FAM78B: variants seen among roughly 807,000 people sequenced by gnomAD.
FAM78B encodes family with sequence similarity 78 member B, also known as protein FAM78B.
A neutral mutation model predicts 20.0 loss-of-function variants in FAM78B; 10 were observed. That is an observed-to-expected ratio of 0.50 (90% CI 0.31 to 0.85). FAM78B has a LOEUF of 0.85. FAM78B is among the 40% of genes least tolerant of loss of function. The pLI is 0.05. For synonymous variants in FAM78B, 135 were observed against 132.8 expected (o/e 1.02, Z -0.12); for missense variants, 283 against 345.0 (o/e 0.82, Z 1.42).
At chr1:166,101,527 A>C (rs113060587) in intron 1 of FAM78B, among the ~76,000 whole-genome samples, 2,556 of 152,346 alleles carry the variant, frequency 0.017, 79 homozygotes, top group African/African-American at 0.058. Context: ...GACCTGATGG[A>C]GCTGAAAACC....
intron 1 of FAM78B, among the ~76,000 whole-genome samples, chr1:166,142,117 T>C (rs1053336575): frequency 6.6e-6 from 1 of 152,166 alleles, no homozygotes. Context: ...TGGGACAGTC[T>C]GCATGGAAGG....
At chr1:166,085,862 T>C (rs1652806211) in intron 1 of FAM78B, among the ~76,000 whole-genome samples, 1 of 152,172 alleles carries the variant, frequency 6.6e-6, no homozygotes, top group East Asian at 1.9e-4. Flanking sequence ...ATGTGTTTAC[T>C]AGGGCAAGAA....
intron 1 of FAM78B, among the ~76,000 whole-genome samples, chr1:166,157,768 TGTCTGCTGGGGCCCAG>T (rs1272618457): frequency 2.0e-5 from 3 of 152,180 alleles, no homozygotes; most frequent in Non-Finnish European, 4.4e-5. Context: ...TCTGGGTGAC[TGTCTGCTGGGGCCCAG>T]GGCTGCCCAT....
intron 1 of FAM78B, among the ~76,000 whole-genome samples, chr1:166,157,033 CGGAGGGGGGGG>C (rs1655928866): frequency 2.2e-3 from 2 of 890 alleles, no homozygotes; most frequent in African/African-American, 2.5e-3. Flanking sequence ...AAGGGGGCGG[CGGAGGGGGGGG>C]GGGGGCTCCA....
intron 1 of FAM78B, among the ~76,000 whole-genome samples, chr1:166,152,331 G>A (rs374069324): frequency 1.4e-3 from 207 of 152,202 alleles, no homozygotes; most frequent in Non-Finnish European, 2.7e-3. Context: ...TTCCACGCTG[G>A]CGGGATGCGG....
At chr1:166,060,806 AT>A in intron 2 of FAM78B, 2 of 349,548 alleles carry the variant, frequency 5.7e-6, no homozygotes, top group Non-Finnish European at 1.0e-5. Flanking sequence ...TTTACAAAAA[AT>A]TTTTGGTATT....
intron 1 of FAM78B, among the ~76,000 whole-genome samples, chr1:166,088,237 A>G (rs532256424): frequency 6.6e-6 from 1 of 152,352 alleles, no homozygotes; most frequent in South Asian, 2.1e-4. Context: ...TAGATGTTAA[A>G]TTGAAATCAG....
At chr1:166,158,247 C>T (rs975091944) in intron 1 of FAM78B, among the ~76,000 whole-genome samples, 1 of 152,140 alleles carries the variant, frequency 6.6e-6, no homozygotes, top group Non-Finnish European at 1.5e-5. Context: ...ATCACTTGGG[C>T]CCAGGGGATC....
chr1:166,147,982 G>A (rs1327073411), intron 1 of FAM78B: 1 of 152,190 alleles, frequency 6.6e-6, no homozygotes, highest in African/African-American at 2.4e-5. Context: ...AGGGGTTAAA[G>A]GAAATTAATT....
At chr1:166,057,855 CA>C (rs1433240032) in exon 3 of FAM78B, 1 of 152,060 alleles carries the variant, frequency 6.6e-6, no homozygotes, top group Non-Finnish European at 1.5e-5. Flanking sequence ...GGAAATTGAA[CA>C]GGGTGGGGTG....
At chr1:166,110,160 C>T (rs550448523) in intron 1 of FAM78B, among the ~76,000 whole-genome samples, 2 of 151,398 alleles carry the variant, frequency 1.3e-5, no homozygotes, top group South Asian at 4.2e-4. Flanking sequence ...AAATATGGTG[C>T]AGTGAATACT....
chr1:166,097,130 G>A (rs1653313483), intron 1 of FAM78B, among the ~76,000 whole-genome samples: 1 of 152,216 alleles, frequency 6.6e-6, no homozygotes, highest in Non-Finnish European at 1.5e-5. Flanking sequence ...GTTTGTGGGA[G>A]AAGTTTCCGA....
intron 1 of FAM78B, among the ~76,000 whole-genome samples, chr1:166,078,488 C>T (rs187339139): frequency 2.0e-4 from 31 of 152,266 alleles, no homozygotes; most frequent in Middle Eastern, 3.4e-3. Flanking sequence ...ATTATGGCAA[C>T]GTTCATGCTT....
intron 1 of FAM78B, among the ~76,000 whole-genome samples, chr1:166,161,431 T>G (rs749150031): frequency 1.3e-5 from 2 of 152,220 alleles, no homozygotes; most frequent in African/African-American, 2.4e-5. Context: ...TCCCATTTTA[T>G]TCCAATTGCA....
At chr1:166,083,613 T>C (rs1245190671) in intron 1 of FAM78B, among the ~76,000 whole-genome samples, 3 of 152,182 alleles carry the variant, frequency 2.0e-5, no homozygotes, top group Non-Finnish European at 2.9e-5. Flanking sequence ...CAAGTGCTTC[T>C]CCTGCCTCAG....
At chr1:166,164,016 T>C (rs909045547) in intron 1 of FAM78B, among the ~76,000 whole-genome samples, 1 of 152,238 alleles carries the variant, frequency 6.6e-6, no homozygotes, top group Non-Finnish European at 1.5e-5. Context: ...AGTGAGGACA[T>C]ACCTTCCCTA....
chr1:166,136,884 T>C lies in FAM78B; in HGVS notation c.263+29102A>G, dbSNP rs1324980186. Among the ~76,000 whole-genome samples the C allele has an allele frequency of 3.9e-5, 6 of 152,214 alleles. No homozygotes were observed. In the East Asian group the frequency reaches 1.2e-3, roughly 29 times the overall value. On this transcript the variant is annotated intron_variant, in intron 1 of 1. Transcript: ENST00000354422. ...CTCAAGTTGCTGTGTGTTAGCATAA[T>C]GCCTGGCACACAGTTGTCAAGCACT...
rs190269945 is a variant in FAM78B, at chr1:166,141,060, A to T, written c.263+24926T>A. Among the ~76,000 whole-genome samples the T allele has an allele frequency of 2.5e-4, 38 of 152,370 alleles. 1 individual carries two copies. In the East Asian group the frequency reaches 7.1e-3, roughly 29 times the overall value. ...ATGCAGCACAATTAGAGGGGCATTA[A>T]TATATCAGAAATGCTCCCCTGACAT... On this transcript the variant is annotated intron_variant, in intron 1 of 1. Transcript: ENST00000354422.
At chr1:166,099,052 C>T (rs1344839035) in intron 1 of FAM78B, among the ~76,000 whole-genome samples, 2 of 152,204 alleles carry the variant, frequency 1.3e-5, no homozygotes, top group African/African-American at 4.8e-5. Flanking sequence ...GATTTCTCAG[C>T]AGAAACCCTA....
Sources: gnomAD v4.1 joint callset for allele counts (sites outside exome capture counted in the v4.1 genomes callset) on GRCh38, gnomAD v4.1.1 for gene constraint, MANE v1.5 for transcripts, NCBI Gene and HGNC (gene_info 2026-07-23, HGNC 2026-07-21) for gene names.